RREB1: variants seen among roughly 807,000 people sequenced by gnomAD.
RREB1 encodes the protein ras responsive element binding protein 1.
RREB1 carries 27 observed loss-of-function variants against 117.8 expected under a neutral mutation model. The ratio of observed to expected loss-of-function variants is 0.23; its 90% confidence interval spans 0.17 to 0.32. The LOEUF is 0.32. RREB1 is among the 10% of genes least tolerant of loss of function. The pLI is 1.00. For missense variants in RREB1, 2,577 were observed against 2,378.2 expected, an observed-to-expected ratio of 1.08 and a Z score of -1.74; for synonymous variants, 1,298 against 1,026.7, an observed-to-expected ratio of 1.26 and a Z score of -5.05.
intron 8 of RREB1, among the ~76,000 whole-genome samples, chr6:7,220,079 G>A (rs1315047656): frequency 2.0e-5 from 3 of 152,158 alleles, no homozygotes; most frequent in Non-Finnish European, 4.4e-5. Flanking sequence ...CCCCATAATA[G>A]GAACCTCCAC....
chr6:7,211,447 T>C (rs1766598919), intron 7 of RREB1, 126 bp from the exon 8 acceptor site: 1 of 799,902 alleles, frequency 1.3e-6, no homozygotes, highest in Non-Finnish European at 2.1e-6. Flanking sequence ...TCCTTAATAA[T>C]CAGGATTGGA....
At chr6:7,125,363 CTT>C (rs1761861433) in intron 1 of RREB1, among the ~76,000 whole-genome samples, 1 of 152,180 alleles carries the variant, frequency 6.6e-6, no homozygotes, top group Non-Finnish European at 1.5e-5. Context: ...CAGAGATGAT[CTT>C]TTGCGTGGTG....
chr6:7,157,358 C>A (rs1254799804), intron 1 of RREB1, among the ~76,000 whole-genome samples: 1 of 151,358 alleles, frequency 6.6e-6, no homozygotes, highest in East Asian at 1.9e-4. Context: ...TGCTTGAACC[C>A]GGGAGGTGGA....
intron 6 of RREB1, among the ~76,000 whole-genome samples, chr6:7,199,464 C>T (rs751734384): frequency 4.6e-5 from 7 of 152,160 alleles, no homozygotes; most frequent in Non-Finnish European, 7.4e-5. Context: ...ACAATTGGGG[C>T]AACGTAGACT....
chr6:7,135,395 G>T (rs1393390793), intron 1 of RREB1, among the ~76,000 whole-genome samples: 1 of 152,174 alleles, frequency 6.6e-6, no homozygotes, highest in Non-Finnish European at 1.5e-5. Flanking sequence ...CTGCTTTTAG[G>T]CAGGGCAGCA....
At chr6:7,148,235 G>A (rs1487038356) in intron 1 of RREB1, among the ~76,000 whole-genome samples, 1 of 152,118 alleles carries the variant, frequency 6.6e-6, no homozygotes, top group Non-Finnish European at 1.5e-5. Context: ...TATTCTTACT[G>A]TAGATACAGC....
chr6:7,112,038 C>A (rs1209281784), intron 1 of RREB1, among the ~76,000 whole-genome samples: 1 of 152,172 alleles, frequency 6.6e-6, no homozygotes, highest in Non-Finnish European at 1.5e-5. Flanking sequence ...ACTGAGATTA[C>A]CATTCCCTTA....
intron 1 of RREB1, among the ~76,000 whole-genome samples, chr6:7,170,947 T>C (rs1764175784): frequency 6.6e-6 from 1 of 152,124 alleles, no homozygotes; most frequent in Admixed American, 6.5e-5. Flanking sequence ...CCCAGAGGGT[T>C]TCTGACTCGG....
chr6:7,247,301 C>T (rs1422133814), intron 12 of RREB1, 80 bp downstream of exon 12: 18 of 1,283,484 alleles, frequency 1.4e-5, no homozygotes, highest in Admixed American at 2.6e-5. Context: ...CCTGAAGCGG[C>T]GCTGGAGGCC....
At chr6:7,242,708 G>GGA (rs1554128723) in intron 11 of RREB1, among the ~76,000 whole-genome samples, 1 of 151,462 alleles carries the variant, frequency 6.6e-6, no homozygotes, top group South Asian at 2.1e-4. Flanking sequence ...AAAGGGGGGG[G>GGA]GGGAAGGAAA....
chr6:7,241,337 C>T (rs917967048), intron 11 of RREB1, among the ~76,000 whole-genome samples: 1 of 152,268 alleles, frequency 6.6e-6, no homozygotes, highest in Non-Finnish European at 1.5e-5. Flanking sequence ...CTGGGGTTCT[C>T]CATCCTCACC....
At chr6:7,243,030 T>C (rs971031485) in intron 11 of RREB1, among the ~76,000 whole-genome samples, 7 of 152,218 alleles carry the variant, frequency 4.6e-5, no homozygotes, top group Non-Finnish European at 8.8e-5. Flanking sequence ...GGCACCTACA[T>C]AGGGCTGTTT....
At chr6:7,243,988 G>A (rs998559310) in intron 11 of RREB1, among the ~76,000 whole-genome samples, 2 of 152,154 alleles carry the variant, frequency 1.3e-5, no homozygotes, top group Non-Finnish European at 2.9e-5. Flanking sequence ...CCAGTCGGGC[G>A]TGGTGGCGCA....
chr6:7,151,518 G>A (rs1327469473), intron 1 of RREB1, among the ~76,000 whole-genome samples: 2 of 152,190 alleles, frequency 1.3e-5, no homozygotes, highest in African/African-American at 4.8e-5. Flanking sequence ...TGCTGGCTTG[G>A]GAGTCATTTC....
chr6:7,154,443 G>A (rs1034096620), intron 1 of RREB1, among the ~76,000 whole-genome samples: 3 of 152,224 alleles, frequency 2.0e-5, no homozygotes, highest in East Asian at 1.9e-4. Flanking sequence ...GGGACGTGAA[G>A]GACTAATAGA....
At chr6:7,233,045 G>A (rs1448002127) in intron 10 of RREB1, among the ~76,000 whole-genome samples, 2 of 152,022 alleles carry the variant, frequency 1.3e-5, no homozygotes, top group African/African-American at 4.8e-5. Context: ...ACAGGCATGC[G>A]CCACCATGCC....
intron 11 of RREB1, among the ~76,000 whole-genome samples, chr6:7,246,053 C>T (rs1451413475): frequency 1.3e-5 from 2 of 152,204 alleles, no homozygotes; most frequent in African/African-American, 4.8e-5. Flanking sequence ...CAAGCTTCCT[C>T]AACTTCCCTA....
In RREB1 at chr6:7,231,158, C is replaced by T. The variant is rs776918384; in HGVS notation, c.3059C>T (p.Ser1020Phe). The change falls in exon 10 of 13, where the codon TCC (serine) becomes TTC (phenylalanine). Residue 1020 changes from serine (S) to phenylalanine (F), a missense_variant. By Grantham distance (155) the Ser-to-Phe change is radical. Transcript: ENST00000379938. ...GPVQLAVPIY[S>F]SALVSSPPLV... Reference sequence around the variant, plus strand: ...GTTCAGCTGGCGGTCCCAATCTACTCCTCAGCCCTGGTCAGCAGCCCTCCA... The same window carrying T: ...GTTCAGCTGGCGGTCCCAATCTACTTCTCAGCCCTGGTCAGCAGCCCTCCA... 24 of 1,612,230 alleles carry T rather than the reference C, an allele frequency of 1.5e-5. No individual in the cohort carries two copies. The highest frequency in any genetic ancestry group is 2.0e-5 in the Non-Finnish European group (24 of 1,179,760).
chr6:7,173,333 A>G (rs1177717068), intron 1 of RREB1, among the ~76,000 whole-genome samples: 1 of 152,020 alleles, frequency 6.6e-6, no homozygotes, highest in African/African-American at 2.4e-5. Context: ...CCTGGCAAAC[A>G]TGGCGAAACC....
Sources: allele counts gnomAD v4.1 joint callset (sites outside exome capture counted in the v4.1 genomes callset), GRCh38; gene constraint gnomAD v4.1.1; transcripts MANE v1.5; gene names NCBI Gene and HGNC (gene_info 2026-07-23, HGNC 2026-07-21).